The following RAP2C variants were observed in gnomAD, a reference collection of about 807,000 sequenced individuals.
The protein encoded by RAP2C is ras-related protein Rap-2c.
In RAP2C, 3 loss-of-function variants were observed where a neutral mutation model predicts 8.9. The observed-to-expected ratio is 0.34, with a 90% CI of 0.15 to 0.87. The LOEUF is 0.87. Ranked by LOEUF, RAP2C falls within the 40% of genes least tolerant of loss-of-function variation. The pLI is 0.51. For synonymous variants in RAP2C, 60 were observed against 52.1 expected (o/e 1.15, Z -0.65); for missense variants, 76 against 133.7 (o/e 0.57, Z 2.13).
At position 132,214,390 on chromosome X, in the gene RAP2C, T is replaced by C. The variant is rs1930514190; in HGVS notation, c.330A>G (p.Pro110=). The C allele has an allele frequency of 8.3e-7, 1 of 1,211,492 alleles. No homozygotes were observed. The highest frequency in any genetic ancestry group is 1.1e-6 in the Non-Finnish European group (1 of 895,000). ...CCACTTTATTTCCTACTAGGATTAGTGGGACTTTTTCATATCTCTTCACTC... is the reference window on the plus strand; with the variant it reads ...CCACTTTATTTCCTACTAGGATTAGCGGGACTTTTTCATATCTCTTCACTC... ...IVRVKRYEKV[P]LILVGNKVDL... is the part of the protein sequence containing the mutation. Residue 110 remains proline (P), a synonymous_variant, in exon 5 of 6, where the codon CCA becomes CCG. Coordinates refer to ENST00000370874, the MANE Select transcript of RAP2C (RefSeq NM_001271186.2).
At chrX:132,206,048 G>GT (rs1930264205) in intron 5 of RAP2C, among the ~76,000 whole-genome samples, 1 of 111,310 alleles carries the variant, frequency 9.0e-6, no homozygotes, top group Non-Finnish European at 1.9e-5. Context: ...CCTAAATTTA[G>GT]TTTTTTGAGA....
At chrX:132,207,197 A>T (rs1031141540) in intron 5 of RAP2C, among the ~76,000 whole-genome samples, 1 of 111,889 alleles carries the variant, frequency 8.9e-6, no homozygotes, top group Non-Finnish European at 1.9e-5. Flanking sequence ...TGAATTAATG[A>T]ATTTGCTATA....
chrX:132,217,602 C>T lies in RAP2C; in HGVS notation c.-334G>A, dbSNP rs1930661017. Reference sequence around the variant, plus strand: ...GGGAGGGAAAGGGTGGGGGCTGCGGCGAGGGGACCCTGCGGCGAGGCGGAC... The same window carrying T: ...GGGAGGGAAAGGGTGGGGGCTGCGGTGAGGGGACCCTGCGGCGAGGCGGAC... On this transcript the variant is annotated 5_prime_UTR_variant, in exon 4 of 6. Transcript: ENST00000370874. 1.1e-5 allele frequency: 2 copies of T among 176,972 alleles called. No individual in the cohort carries two copies. Among genetic ancestry groups the T allele is most frequent in the South Asian group, 2.9e-4 (1 of 3,464 alleles). The allele number at this position is 176,972 out of a possible 1,213,427, so 14.6% of individuals were successfully genotyped here. A position where few individuals can be genotyped will look rare whatever the true frequency, so the allele number is the denominator to read the frequency against.
chrX:132,216,050 GAAAA>G (rs1239825310), intron 4 of RAP2C, among the ~76,000 whole-genome samples: 1 of 112,294 alleles, frequency 8.9e-6, no homozygotes, highest in African/African-American at 3.2e-5. Flanking sequence ...TTTAAATGCA[GAAAA>G]AATATATCCA....
rs1198124313 is a variant in RAP2C at position 132,208,512 on chromosome X, T to C, written c.*35-2925A>G. ...TTAGCAAAACATCAGGCTGCAATTA[T>C]AATTTTAATAAATTGTTATTTTAAT... On this transcript the variant is annotated intron_variant, in intron 5 of 5. Transcript: ENST00000370874. 3.6e-5 allele frequency among the ~76,000 whole-genome samples: 4 copies of C among 111,156 alleles called. 1 individual carries two copies. Among genetic ancestry groups the C allele is most frequent in the South Asian group, 7.4e-4 (2 of 2,688 alleles).
chrX:132,212,785 G>T (rs1930467059), intron 5 of RAP2C, among the ~76,000 whole-genome samples: 1 of 111,841 alleles, frequency 8.9e-6, no homozygotes, highest in Admixed American at 9.5e-5. Context: ...CTCCTCAAAA[G>T]ACTATACTGC....
chrX:132,206,746 A>G (rs1336604770), intron 5 of RAP2C, among the ~76,000 whole-genome samples: 1 of 112,246 alleles, frequency 8.9e-6, no homozygotes, highest in Non-Finnish European at 1.9e-5. Flanking sequence ...ATTACTATTA[A>G]AGAACATCAC....
At chrX:132,216,722 A>C (rs1197340263) in intron 4 of RAP2C, among the ~76,000 whole-genome samples, 1 of 112,598 alleles carries the variant, frequency 8.9e-6, no homozygotes, top group Non-Finnish European at 1.9e-5. Flanking sequence ...TCAGAAGGTT[A>C]TATTCCAGGC....
chrX:132,210,657 G>A (rs762340125), intron 5 of RAP2C, among the ~76,000 whole-genome samples: 5 of 111,904 alleles, frequency 4.5e-5, no homozygotes, highest in Non-Finnish European at 9.4e-5. Flanking sequence ...ACAGTACACT[G>A]AGAAAAATGG....
rs990843163 is a variant in RAP2C, at chrX:132,204,994, A to C, written c.*628T>G. On this transcript the variant is annotated 3_prime_UTR_variant, in exon 6 of 6. Coordinates refer to ENST00000370874, the MANE Select transcript of RAP2C (RefSeq NM_001271186.2). Reference sequence around the variant, plus strand: ...CATGTTAATTACAAAAAAAAAAAAAAAAAAACAAAACACATCACAAACTGC... The same window carrying C: ...CATGTTAATTACAAAAAAAAAAAAACAAAAACAAAACACATCACAAACTGC... 6 of 110,394 alleles carry C rather than the reference A, an allele frequency of 5.4e-5. No homozygotes were observed. Among genetic ancestry groups the C allele is most frequent in the African/African-American group, 1.6e-4 (5 of 30,435 alleles). 9.1% of individuals were successfully genotyped at this position (110,394 alleles called of 1,213,427 possible). A position where few individuals can be genotyped will look rare whatever the true frequency, so the allele number is the denominator to read the frequency against.
rs1428254123 is a variant in RAP2C, at chrX:132,214,334, G to A, written c.386C>T (p.Ser129Leu). Residue 129 changes from serine to leucine, a missense_variant, in exon 5 of 6, where the codon TCA (serine) becomes TTA (leucine). Transcript: ENST00000370874. Reference sequence around the variant, plus strand: ...TTCTTGAGCCAGAGCTCTGCCTTCTGAAGACATAACCTCTCTTTCTGGTTC... The same window carrying A: ...TTCTTGAGCCAGAGCTCTGCCTTCTAAAGACATAACCTCTCTTTCTGGTTC... The part of the protein sequence containing the change: ...DLEPEREVMS[S>L]EGRALAQEWG... 6.6e-6 allele frequency: 8 copies of A among 1,211,944 alleles called. No homozygotes were observed.
rs1602897154 is a variant in RAP2C at position 132,217,381 on chromosome X, T to G, written c.-113A>C. The G allele has an allele frequency of 3.1e-6, 2 of 655,674 alleles. No individual in the cohort carries two copies. The highest frequency in any genetic ancestry group is 4.6e-5 in the Admixed American group (1 of 21,656). The allele number at this position is 655,674 out of a possible 1,213,427, so 54.0% of individuals were successfully genotyped here. On this transcript the variant is annotated 5_prime_UTR_variant, in exon 4 of 6. Coordinates refer to ENST00000370874, the MANE Select transcript of RAP2C (RefSeq NM_001271186.2). Reference sequence around the variant, plus strand: ...GAAATCTGCGAACTGGGGAGGAGAGTGCAGAGGAGCAGAGGGCCCAACCGG... The same window carrying G: ...GAAATCTGCGAACTGGGGAGGAGAGGGCAGAGGAGCAGAGGGCCCAACCGG...
At chrX:132,210,949 C>A (rs903561806) in intron 5 of RAP2C, among the ~76,000 whole-genome samples, 1 of 110,579 alleles carries the variant, frequency 9.0e-6, no homozygotes, top group Non-Finnish European at 1.9e-5. Context: ...TGACACCCCC[C>A]ACCCCTACCA....
intron 4 of RAP2C, among the ~76,000 whole-genome samples, chrX:132,214,785 C>T (rs946201707): frequency 2.7e-5 from 3 of 111,373 alleles, no homozygotes; most frequent in Non-Finnish European, 5.6e-5. Flanking sequence ...GATGTTTGGC[C>T]ATCTCCCTAA....
At position 132,204,622 on chromosome X, in the gene RAP2C, T is replaced by G. The variant is rs1178831536; in HGVS notation, c.*1000A>C. The G allele has an allele frequency of 8.9e-6, 1 of 112,050 alleles. No homozygotes were observed. Among genetic ancestry groups the G allele is most frequent in the African/African-American group, 3.3e-5 (1 of 30,754 alleles). 9.2% of individuals were successfully genotyped at this position (112,050 alleles called of 1,213,427 possible). A position where few individuals can be genotyped will look rare whatever the true frequency, so the allele number is the denominator to read the frequency against. ...TAACAAATATTGCTTTAAACTATTATTCAGAAAGACAAATATTAAGAACTA... is the reference window on the plus strand; with the variant it reads ...TAACAAATATTGCTTTAAACTATTAGTCAGAAAGACAAATATTAAGAACTA... On this transcript the variant is annotated 3_prime_UTR_variant, in exon 6 of 6. Coordinates refer to ENST00000370874, the MANE Select transcript of RAP2C (RefSeq NM_001271186.2).
intron 4 of RAP2C, chrX:132,214,674 G>T: frequency 2.4e-6 from 1 of 424,256 alleles, no homozygotes; most frequent in Non-Finnish European, 3.0e-6. Flanking sequence ...TAAAACATGG[G>T]TTGCACACTA....
rs756198345 is a variant in RAP2C, at chrX:132,216,903, GCA to G, written c.273+91_273+92del. ...GTCATGTCTAACTTTCAAAAGCAAA[GCA>G]CAGTCATTAATGCACGGTTCAAGCA... On this transcript the variant is annotated intron_variant, in intron 4 of 5. Transcript: ENST00000370874. The G allele has an allele frequency of 1.7e-3, 1,491 of 879,108 alleles. 2 individuals carry two copies. Among genetic ancestry groups the G allele is most frequent in the Middle Eastern group, 5.9e-3 (15 of 2,527 alleles). 72.4% of individuals were successfully genotyped at this position (879,108 alleles called of 1,213,427 possible).
intron 4 of RAP2C, 119 bp downstream of exon 4, chrX:132,216,877 C>T (rs1930615171): frequency 4.2e-6 from 3 of 708,110 alleles, no homozygotes; most frequent in Non-Finnish European, 5.8e-6. Flanking sequence ...CTCAAAAATG[C>T]GTCATGTCTA....
At chrX:132,214,576 CT>C in intron 4 of RAP2C, 130 bp from the exon 5 acceptor site, 3 of 1,071,807 alleles carry the variant, frequency 2.8e-6, no homozygotes, top group Non-Finnish European at 3.6e-6. Context: ...GAAATCACAC[CT>C]AAACAGAGAA....
Sources: allele counts gnomAD v4.1 joint callset (sites outside exome capture counted in the v4.1 genomes callset), GRCh38; gene constraint gnomAD v4.1.1; transcripts MANE v1.5; gene names NCBI Gene and HGNC (gene_info 2026-07-23, HGNC 2026-07-21).